WDFY2: variants seen among roughly 807,000 people sequenced by gnomAD.
WDFY2 encodes the protein WD repeat and FYVE domain containing 2.
A neutral mutation model predicts 56.4 loss-of-function variants in WDFY2; 36 were observed. The ratio of observed to expected loss-of-function variants is 0.64; its 90% CI spans 0.49 to 0.84. The LOEUF is 0.84. Ranked by LOEUF, WDFY2 falls within the 40% of genes least tolerant of loss-of-function variation. The pLI, the probability that WDFY2 is intolerant of heterozygous loss-of-function variation, is 0.00. For synonymous variants in WDFY2, 176 were observed against 183.7 expected, an observed-to-expected ratio of 0.96 and a Z score of 0.34; for missense variants, 444 against 512.2, an observed-to-expected ratio of 0.87 and a Z score of 1.29.
intron 6 of WDFY2, among the ~76,000 whole-genome samples, chr13:51,735,117 C>A (rs985328364): frequency 2.0e-5 from 3 of 152,182 alleles, no homozygotes; most frequent in Non-Finnish European, 2.9e-5. Context: ...AGGGAGAGGC[C>A]GTTTCCATCA....
At chr13:51,738,999 G>A (rs762795328) in intron 6 of WDFY2, 50 bp from the exon 7 acceptor site, 3 of 1,454,972 alleles carry the variant, frequency 2.1e-6, no homozygotes, top group African/African-American at 1.4e-5. Context: ...TTCTTTTGTG[G>A]GTAAGAGTCT....
chr13:51,678,064 A>G (rs1955915788), intron 3 of WDFY2, among the ~76,000 whole-genome samples: 1 of 152,188 alleles, frequency 6.6e-6, no homozygotes, highest in Non-Finnish European at 1.5e-5. Flanking sequence ...TTGGTCTACA[A>G]AGTTTTAATT....
intron 10 of WDFY2, 74 bp from the exon 11 acceptor site, chr13:51,758,118 T>TA: frequency 8.1e-7 from 1 of 1,238,140 alleles, no homozygotes; most frequent in Non-Finnish European, 1.1e-6. Flanking sequence ...ATTTAGAGCC[T>TA]AATGTCATCC....
chr13:51,747,882 C>T (rs1395763380), intron 7 of WDFY2, among the ~76,000 whole-genome samples: 1 of 152,170 alleles, frequency 6.6e-6, no homozygotes, highest in Non-Finnish European at 1.5e-5. Context: ...TTTTCTAGGA[C>T]CTCTCTGGGA....
intron 1 of WDFY2, among the ~76,000 whole-genome samples, chr13:51,616,344 A>G (rs893319204): frequency 3.3e-5 from 5 of 152,230 alleles, no homozygotes; most frequent in Non-Finnish European, 5.9e-5. Context: ...AGCAAATGAT[A>G]TGGCGGGGAG....
chr13:51,750,228 A>G (rs974863597), intron 7 of WDFY2, among the ~76,000 whole-genome samples: 15 of 152,216 alleles, frequency 9.9e-5, no homozygotes, highest in African/African-American at 2.7e-4. Context: ...AGGAGGATTC[A>G]ACTTATAAAA....
intron 1 of WDFY2, among the ~76,000 whole-genome samples, chr13:51,610,597 G>A (rs1338180055): frequency 6.6e-6 from 1 of 152,118 alleles, no homozygotes; most frequent in Non-Finnish European, 1.5e-5. Flanking sequence ...ATCCAGTAAT[G>A]TTATCTTGTT....
chr13:51,727,612 C>T (rs1593455116), intron 5 of WDFY2, 66 bp from the exon 6 acceptor site: 3 of 1,464,466 alleles, frequency 2.0e-6, no homozygotes, highest in East Asian at 2.3e-5. Context: ...ACATTTATGC[C>T]CTGTTTTTTC....
intron 1 of WDFY2, among the ~76,000 whole-genome samples, chr13:51,631,934 A>G (rs1404316014): frequency 6.6e-6 from 1 of 152,148 alleles, no homozygotes; most frequent in African/African-American, 2.4e-5. Flanking sequence ...TCAGTTGATT[A>G]TATATCCTCC....
intron 5 of WDFY2, among the ~76,000 whole-genome samples, chr13:51,725,078 T>C (rs538938354): frequency 6.6e-6 from 1 of 152,372 alleles, no homozygotes; most frequent in Non-Finnish European, 1.5e-5. Context: ...TAAGTTCATA[T>C]AATATTTCTT....
chr13:51,619,476 A>C (rs1425196736), intron 1 of WDFY2, among the ~76,000 whole-genome samples: 1 of 152,110 alleles, frequency 6.6e-6, no homozygotes, highest in Non-Finnish European at 1.5e-5. Flanking sequence ...AGAAGGTATC[A>C]GAAGATATTT....
At chr13:51,618,179 A>G (rs895488985) in intron 1 of WDFY2, among the ~76,000 whole-genome samples, 1 of 152,238 alleles carries the variant, frequency 6.6e-6, no homozygotes, top group Non-Finnish European at 1.5e-5. Context: ...TACCTGAAGC[A>G]TATTAGTATC....
In WDFY2 at chr13:51,765,862, G is replaced by GTTTA. The variant is rs1953730162; in HGVS notation, c.*6094_*6097dup. The GTTTA allele has an allele frequency of 6.6e-6, 1 of 152,150 alleles. No homozygotes were observed. 9.4% of individuals were successfully genotyped at this position (152,150 alleles called of 1,614,324 possible). A position where few individuals can be genotyped will look rare whatever the true frequency, so the allele number is the denominator to read the frequency against. ...TCATTAAAAATAGATACCTCAAAAT[G>GTTTA]TTTACCTTTACAAGTCAAGAAGAGT... is the stretch of plus-strand genomic sequence containing the variant. On this transcript the variant is annotated 3_prime_UTR_variant, in exon 12 of 12. Transcript: ENST00000298125.
chr13:51,586,339 T>G (rs910157641), intron 1 of WDFY2: 5 of 329,266 alleles, frequency 1.5e-5, no homozygotes, highest in Non-Finnish European at 2.7e-5. Flanking sequence ...CTAACTGCTG[T>G]GGAAAATTCA....
intron 1 of WDFY2, among the ~76,000 whole-genome samples, chr13:51,637,812 T>C (rs1022061436): frequency 1.3e-5 from 2 of 152,232 alleles, no homozygotes; most frequent in African/African-American, 4.8e-5. Context: ...ATTAATTGTC[T>C]TAATTACTGT....
chr13:51,760,426 C>T lies in WDFY2; in HGVS notation c.*657C>T, dbSNP rs1243228091. 6.6e-6 allele frequency: 1 copy of T among 152,096 alleles called. No homozygotes were observed. Among genetic ancestry groups the T allele is most frequent in the African/African-American group, 2.4e-5 (1 of 41,380 alleles). The allele number at this position is 152,096 out of a possible 1,614,324, so 9.4% of individuals were successfully genotyped here. A position where few individuals can be genotyped will look rare whatever the true frequency, so the allele number is the denominator to read the frequency against. On this transcript the variant is annotated 3_prime_UTR_variant, in exon 12 of 12. Coordinates refer to ENST00000298125, the MANE Select transcript of WDFY2 (RefSeq NM_052950.4). Reference sequence around the variant, plus strand: ...TGAAGTAGAAAAGACTGTGTTTCTGCCTCAGTTGCCTCTGTCTTTCCCACA... The same window carrying T: ...TGAAGTAGAAAAGACTGTGTTTCTGTCTCAGTTGCCTCTGTCTTTCCCACA...
Position 51,701,751 on chromosome 13 carries a change from T to C in WDFY2, c.280-1845T>C, listed in dbSNP as rs549887195. Among the ~76,000 whole-genome samples the C allele has an allele frequency of 1.3e-3, 193 of 152,274 alleles. 1 individual carries two copies. Among genetic ancestry groups the C allele is most frequent in the African/African-American group, 4.4e-3 (183 of 41,570 alleles). On this transcript the variant is annotated intron_variant, in intron 3 of 11. Transcript: ENST00000298125. ...TTTTGAAAGGAATTGAGGTATCTTT[T>C]GACCAGGTCAGAGAACCATTTCAGT...
intron 1 of WDFY2, among the ~76,000 whole-genome samples, chr13:51,650,280 G>A (rs1206046765): frequency 6.6e-6 from 1 of 152,200 alleles, no homozygotes; most frequent in Non-Finnish European, 1.5e-5. Context: ...CTGAGACTTT[G>A]CTGAAGTTGC....
chr13:51,630,727 A>T (rs1954936021), intron 1 of WDFY2, among the ~76,000 whole-genome samples: 1 of 137,666 alleles, frequency 7.3e-6, no homozygotes, highest in African/African-American at 2.7e-5. Flanking sequence ...TATTATGCTG[A>T]TTGTTTAGCT....
Sources: gnomAD v4.1 joint callset for allele counts (sites outside exome capture counted in the v4.1 genomes callset) on GRCh38, gnomAD v4.1.1 for gene constraint, MANE v1.5 for transcripts, NCBI Gene and HGNC (gene_info 2026-07-23, HGNC 2026-07-21) for gene names.